The following PAX7 variants were observed in gnomAD, a reference collection of about 807,000 sequenced individuals.
The protein encoded by PAX7 is paired box 7.
In PAX7, 18 loss-of-function variants were observed where a neutral mutation model predicts 50.7. The observed-to-expected ratio is 0.36, with a 90% CI of 0.25 to 0.53. The LOEUF (loss-of-function observed/expected upper bound fraction) is 0.53, where lower values mean the gene tolerates loss of function less well. PAX7 is among the 20% of genes least tolerant of loss of function. PAX7 has a pLI of 0.93. For missense variants in PAX7, 644 were observed against 702.9 expected (o/e 0.92, Z 0.95); for synonymous variants, 310 against 290.4 (o/e 1.07, Z -0.69).
rs532880659 is a variant in PAX7 at position 18,724,478 on chromosome 1, C to T, written c.1156-11154C>T. Among the ~76,000 whole-genome samples, 435 of 152,354 alleles carry T rather than the reference C, an allele frequency of 2.9e-3. 1 individual carries two copies. Among genetic ancestry groups the T allele is most frequent in the Non-Finnish European group, 5.2e-3 (357 of 68,036 alleles). On this transcript the variant is annotated intron_variant, in intron 7 of 8. Coordinates refer to ENST00000420770, the MANE Select transcript of PAX7 (RefSeq NM_001135254.2). Reference sequence around the variant, plus strand: ...TTACCAGGTCACCCAGAAAACCAATCCGTAACTTCGAGGGACAGCACTGCA... The same window carrying T: ...TTACCAGGTCACCCAGAAAACCAATTCGTAACTTCGAGGGACAGCACTGCA...
rs201893551 is a variant in PAX7 at position 18,735,836 on chromosome 1, G to A, written c.1360G>A (p.Val454Met). 14 of 1,614,136 alleles carry A rather than the reference G, an allele frequency of 8.7e-6. No homozygotes were observed. The East Asian group carries it at 1.8e-4, about 21-fold the overall frequency. The change falls in exon 8 of 9, where the codon GTG (valine) becomes ATG (methionine). Residue 454 changes from valine to methionine, a missense_variant. Transcript: ENST00000420770. This position sits in a 1 kb window ranked among gnomAD's most constrained non-coding sequence, Gnocchi z 4.0. ...CACCTACAGCACCACCGGCTACAGC[G>A]TGGACCCCGTGGCCGGCTATCAGTA... ...PPTYSTTGYSVDPVAGYQYGQ... is the reference protein window; with the variant it reads ...PPTYSTTGYSMDPVAGYQYGQ...
At chr1:18,736,575 T>A (rs1257509794) in intron 8 of PAX7, among the ~76,000 whole-genome samples, 1 of 152,146 alleles carries the variant, frequency 6.6e-6, no homozygotes, top group South Asian at 2.1e-4. Context: ...AATTCATATA[T>A]AATTATTGAG....
At chr1:18,740,254 G>A (rs1931056366) in intron 8 of PAX7, among the ~76,000 whole-genome samples, 1 of 152,208 alleles carries the variant, frequency 6.6e-6, no homozygotes, top group Non-Finnish European at 1.5e-5. Context: ...GGGTGCCCTT[G>A]AAGTTGGCAG....
At chr1:18,654,119 G>A (rs562030560) in intron 4 of PAX7, among the ~76,000 whole-genome samples, 6 of 152,254 alleles carry the variant, frequency 3.9e-5, no homozygotes, top group East Asian at 1.9e-4. Flanking sequence ...GAAATTGCCC[G>A]AGGAGCACAG....
chr1:18,656,154 A>T (rs1212638210), intron 4 of PAX7, among the ~76,000 whole-genome samples: 1 of 152,192 alleles, frequency 6.6e-6, no homozygotes, highest in Non-Finnish European at 1.5e-5. Flanking sequence ...TAAGAGTGCA[A>T]TGACTGGTAG....
intron 4 of PAX7, among the ~76,000 whole-genome samples, chr1:18,656,226 G>T (rs1024436974): frequency 6.6e-6 from 1 of 152,232 alleles, no homozygotes; most frequent in Admixed American, 6.5e-5. Flanking sequence ...GGGCGCAGTG[G>T]CTCACGCCTG....
chr1:18,639,643 A>G (rs917115231), intron 4 of PAX7, among the ~76,000 whole-genome samples: 1 of 152,106 alleles, frequency 6.6e-6, no homozygotes, highest in East Asian at 1.9e-4. Context: ...AAAGGAAAAG[A>G]TTTTCATAGA....
chr1:18,718,277 G>C (rs960538062), intron 7 of PAX7, among the ~76,000 whole-genome samples: 1 of 152,184 alleles, frequency 6.6e-6, no homozygotes, highest in Non-Finnish European at 1.5e-5. Flanking sequence ...GCTCAGAGCG[G>C]GGTGCCAGCA....
chr1:18,632,097 C>T lies in PAX7; in HGVS notation c.85+409C>T, dbSNP rs2088064511. The stretch of plus-strand genomic sequence containing the variant: ...TCTTGTTTTGAATTATTTTTTCCAC[C>T]CCCGGGATTGGTCTTCCAGTCCTTT... On this transcript the variant is annotated intron_variant, in intron 1 of 8. Transcript: ENST00000420770. The surrounding 1 kb of genome is among the most constrained non-coding windows in gnomAD (Gnocchi z 6.3). Among the ~76,000 whole-genome samples, 1 of 152,110 alleles carries T rather than the reference C, an allele frequency of 6.6e-6. No individual in the cohort carries two copies. Among genetic ancestry groups the T allele is most frequent in the African/African-American group, 2.4e-5 (1 of 41,420 alleles).
chr1:18,727,523 T>A (rs1190728222), intron 7 of PAX7, among the ~76,000 whole-genome samples: 3 of 151,916 alleles, frequency 2.0e-5, no homozygotes, highest in Non-Finnish European at 4.4e-5. Context: ...GAGTCAAGGG[T>A]CCTTGCCCCA....
At chr1:18,650,489 A>G (rs2088414396) in intron 4 of PAX7, among the ~76,000 whole-genome samples, 1 of 152,160 alleles carries the variant, frequency 6.6e-6, no homozygotes, top group African/African-American at 2.4e-5. Context: ...TGGGGGATGG[A>G]AGGAGCAGGA....
rs2089705446 is a variant in PAX7 at position 18,735,839 on chromosome 1, G to T, written c.1363G>T (p.Asp455Tyr). 1 of 1,614,110 alleles carries T rather than the reference G, an allele frequency of 6.2e-7. No homozygotes were observed. The highest frequency in any genetic ancestry group is 8.5e-7 in the Non-Finnish European group (1 of 1,180,026). ...PTYSTTGYSV[D>Y]PVAGYQYGQY... ...CTACAGCACCACCGGCTACAGCGTG[G>T]ACCCCGTGGCCGGCTATCAGTACGG... Residue 455 changes from aspartate (D) to tyrosine (Y), a missense_variant, in exon 8 of 9, where the codon GAC becomes TAC. Coordinates refer to ENST00000420770, the MANE Select transcript of PAX7 (RefSeq NM_001135254.2). This position sits in a 1 kb window ranked among gnomAD's most constrained non-coding sequence, Gnocchi z 4.0.
chr1:18,721,345 G>A (rs917807376), intron 7 of PAX7, among the ~76,000 whole-genome samples: 1 of 152,120 alleles, frequency 6.6e-6, no homozygotes, highest in African/African-American at 2.4e-5. Flanking sequence ...CAAGGCCTGG[G>A]ACCAGCCCCT....
chr1:18,731,496 C>T (rs2089646496), intron 7 of PAX7, among the ~76,000 whole-genome samples: 1 of 152,150 alleles, frequency 6.6e-6, no homozygotes, highest in Admixed American at 6.5e-5. Flanking sequence ...TCTCAATTTC[C>T]CCATCTGCAT....
At chr1:18,714,446 T>C (rs1262536663) in intron 7 of PAX7, among the ~76,000 whole-genome samples, 1 of 152,194 alleles carries the variant, frequency 6.6e-6, no homozygotes, top group African/African-American at 2.4e-5. Flanking sequence ...ATGTTCCTCT[T>C]TCTGCTTCTC....
chr1:18,748,830 A>T lies in PAX7; in HGVS notation c.*3901A>T, dbSNP rs1931557164. ...CTTGTAAGCGCTTCCTCTGTAACTC[A>T]GGCGTAACTGTTATACATTAAAAGA... On this transcript the variant is annotated 3_prime_UTR_variant, in exon 9 of 9. Coordinates refer to ENST00000420770, the MANE Select transcript of PAX7 (RefSeq NM_001135254.2). 9.5e-6 allele frequency: 2 copies of T among 210,390 alleles called. 1 individual carries two copies. Among genetic ancestry groups the T allele is most frequent in the Non-Finnish European group, 1.9e-5 (2 of 103,748 alleles). 13.0% of individuals were successfully genotyped at this position (210,390 alleles called of 1,614,324 possible).
At position 18,746,717 on chromosome 1, in the gene PAX7, T is replaced by C. The variant is rs904379558; in HGVS notation, c.*1788T>C. 1.3e-5 allele frequency: 3 copies of C among 231,328 alleles called. No individual in the cohort carries two copies. Among genetic ancestry groups the C allele is most frequent in the African/African-American group, 6.6e-5 (3 of 45,252 alleles). 14.3% of individuals were successfully genotyped at this position (231,328 alleles called of 1,614,324 possible). ...AGGGCTGCTGCTCTGGGAGTCAACCTGAGTTCCTCCCTCCTGGGAAGCTGG... is the reference window on the plus strand; with the variant it reads ...AGGGCTGCTGCTCTGGGAGTCAACCCGAGTTCCTCCCTCCTGGGAAGCTGG... On this transcript the variant is annotated 3_prime_UTR_variant, in exon 9 of 9. Transcript: ENST00000420770.
intron 7 of PAX7, among the ~76,000 whole-genome samples, chr1:18,715,649 C>T (rs976111706): frequency 6.6e-6 from 1 of 152,150 alleles, no homozygotes; most frequent in Admixed American, 6.5e-5. Context: ...CACTTCCTAC[C>T]TGTGTGACCC....
At chr1:18,644,426 CT>C (rs1384935817) in intron 4 of PAX7, among the ~76,000 whole-genome samples, 2 of 152,166 alleles carry the variant, frequency 1.3e-5, no homozygotes, top group Non-Finnish European at 2.9e-5. Context: ...TGTTGTTATC[CT>C]TTTAGGGGAT....
Sources: allele counts gnomAD v4.1 joint callset (sites outside exome capture counted in the v4.1 genomes callset), GRCh38; gene constraint gnomAD v4.1.1; non-coding constraint Gnocchi (gnomAD v3.1); transcripts MANE v1.5; gene names NCBI Gene and HGNC (gene_info 2026-07-23, HGNC 2026-07-21).